C8orf34: variants seen among roughly 807,000 people sequenced by gnomAD.
C8orf34 encodes uncharacterized protein C8orf34.
A neutral mutation model predicts 68.3 loss-of-function variants in C8orf34; 65 were observed. The ratio of observed to expected loss-of-function variants is 0.95; its 90% CI spans 0.78 to 1.17. The LOEUF is 1.17. Among genes scored for constraint, C8orf34 ranks in the 50% most tolerant of loss-of-function variants. C8orf34 has a pLI of 0.00. For missense variants in C8orf34, 664 were observed against 655.4 expected, an observed-to-expected ratio of 1.01 and a Z score of -0.14; for synonymous variants, 244 against 241.2, an observed-to-expected ratio of 1.01 and a Z score of -0.11.
intron 1 of C8orf34, among the ~76,000 whole-genome samples, chr8:68,428,863 A>G (rs1379968161): frequency 1.3e-5 from 2 of 152,120 alleles, no homozygotes; most frequent in African/African-American, 4.8e-5. Flanking sequence ...CTTTTAAACG[A>G]ATGAGTGTGG....
intron 5 of C8orf34, among the ~76,000 whole-genome samples, chr8:68,515,123 A>G (rs186568530): frequency 1.4e-4 from 22 of 152,322 alleles, no homozygotes; most frequent in Non-Finnish European, 2.9e-4. Flanking sequence ...ATGTACATTT[A>G]AAAAATCACT....
chr8:68,352,641 G>C (rs1255354276), intron 1 of C8orf34, among the ~76,000 whole-genome samples: 2 of 151,966 alleles, frequency 1.3e-5, no homozygotes, highest in Non-Finnish European at 2.9e-5. Flanking sequence ...TTTTTATTCT[G>C]GACTTTCATT....
intron 8 of C8orf34, among the ~76,000 whole-genome samples, chr8:68,690,425 C>T (rs1820653930): frequency 2.0e-5 from 3 of 151,988 alleles, no homozygotes. Flanking sequence ...ATATCTTAGA[C>T]TGGGTAATTT....
chr8:68,787,849 A>G (rs1276025374), intron 12 of C8orf34, among the ~76,000 whole-genome samples: 1 of 152,196 alleles, frequency 6.6e-6, no homozygotes, highest in Non-Finnish European at 1.5e-5. Context: ...GTGATAATTT[A>G]TAATTATTTT....
intron 12 of C8orf34, among the ~76,000 whole-genome samples, chr8:68,793,025 C>A (rs1474280729): frequency 6.6e-6 from 1 of 151,916 alleles, no homozygotes; most frequent in Non-Finnish European, 1.5e-5. Context: ...ATAGTACAAT[C>A]TCCACAAGAG....
chr8:68,803,539 A>G (rs1824393886), intron 12 of C8orf34, among the ~76,000 whole-genome samples: 1 of 152,098 alleles, frequency 6.6e-6, no homozygotes, highest in African/African-American at 2.4e-5. Context: ...AGCAAACATC[A>G]TACTTGATGA....
intron 8 of C8orf34, among the ~76,000 whole-genome samples, chr8:68,668,178 C>T (rs537001894): frequency 5.6e-4 from 85 of 151,942 alleles, no homozygotes; most frequent in South Asian, 3.1e-3. Context: ...ACCTTAAAAA[C>T]GTATTATTAT....
chr8:68,760,211 TG>T (rs930257773), intron 10 of C8orf34, among the ~76,000 whole-genome samples: 4 of 152,088 alleles, frequency 2.6e-5, no homozygotes, highest in Non-Finnish European at 5.9e-5. Context: ...AATTAGGTGA[TG>T]GGGGGCCGTG....
At chr8:68,388,678 T>A (rs954407374) in intron 1 of C8orf34, among the ~76,000 whole-genome samples, 4 of 152,186 alleles carry the variant, frequency 2.6e-5, no homozygotes, top group African/African-American at 9.6e-5. Flanking sequence ...TTCATCAAGT[T>A]ACTTTTGTAA....
chr8:68,388,415 G>A (rs944366687), intron 1 of C8orf34, among the ~76,000 whole-genome samples: 2 of 151,932 alleles, frequency 1.3e-5, no homozygotes, highest in Non-Finnish European at 2.9e-5. Context: ...GACATGTAAA[G>A]TACATGTAAC....
At chr8:68,616,750 A>G (rs1183691106) in intron 7 of C8orf34, among the ~76,000 whole-genome samples, 3 of 152,096 alleles carry the variant, frequency 2.0e-5, no homozygotes, top group Non-Finnish European at 4.4e-5. Flanking sequence ...GTGGTGCTGA[A>G]AAAAATGTAT....
chr8:68,749,182 A>G (rs1468210501), intron 10 of C8orf34, among the ~76,000 whole-genome samples: 1 of 151,952 alleles, frequency 6.6e-6, no homozygotes, highest in East Asian at 1.9e-4. Flanking sequence ...GTGGGAATTG[A>G]ACAATGAGAA....
intron 4 of C8orf34, among the ~76,000 whole-genome samples, chr8:68,486,685 C>T (rs927022274): frequency 3.3e-5 from 5 of 152,014 alleles, no homozygotes; most frequent in African/African-American, 1.2e-4. Context: ...CATTTATACC[C>T]TCCACATCTA....
intron 8 of C8orf34, among the ~76,000 whole-genome samples, chr8:68,700,475 T>C (rs1820980849): frequency 6.6e-6 from 1 of 152,084 alleles, no homozygotes; most frequent in Admixed American, 6.6e-5. Flanking sequence ...CAAGGTTTTG[T>C]AGGGCAGCAG....
chr8:68,425,073 G>C (rs954233567), intron 1 of C8orf34, among the ~76,000 whole-genome samples: 1 of 152,114 alleles, frequency 6.6e-6, no homozygotes, highest in Non-Finnish European at 1.5e-5. Context: ...TCATTGGACA[G>C]TACCCAATAG....
chr8:68,490,826 G>A (rs1227994767), intron 5 of C8orf34, among the ~76,000 whole-genome samples: 3 of 152,138 alleles, frequency 2.0e-5, no homozygotes, highest in Non-Finnish European at 4.4e-5. Flanking sequence ...CACCCTTGGA[G>A]GAGCAGGAGA....
intron 7 of C8orf34, among the ~76,000 whole-genome samples, chr8:68,592,682 C>T (rs1007254958): frequency 2.8e-5 from 4 of 140,460 alleles, no homozygotes; most frequent in African/African-American, 1.1e-4. Context: ...GATCTCGGTT[C>T]ACTGCAACCT....
intron 5 of C8orf34, among the ~76,000 whole-genome samples, chr8:68,493,885 T>C (rs1428611206): frequency 6.6e-6 from 1 of 152,206 alleles, no homozygotes; most frequent in South Asian, 2.1e-4. Flanking sequence ...AGCACCTTGA[T>C]CTGGACTTCC....
At chr8:68,426,762 G>A (rs533370967) in intron 1 of C8orf34, among the ~76,000 whole-genome samples, 6 of 151,738 alleles carry the variant, frequency 4.0e-5, no homozygotes, top group East Asian at 3.9e-4. Context: ...CCAGCTTCTC[G>A]GGAGGTTGAG....
Sources: allele counts gnomAD v4.1 joint callset (sites outside exome capture counted in the v4.1 genomes callset), GRCh38; gene constraint gnomAD v4.1.1; transcripts MANE v1.5; gene names NCBI Gene and HGNC (gene_info 2026-07-23, HGNC 2026-07-21).